TUFT1: variants seen among roughly 807,000 people sequenced by gnomAD.
The protein encoded by TUFT1 is tuftelin.
A neutral mutation model predicts 57.8 loss-of-function variants in TUFT1; 43 were observed. That is an observed-to-expected ratio of 0.74 (90% CI 0.58 to 0.96). The LOEUF is 0.96. Among genes scored for constraint, TUFT1 ranks in the 40% least tolerant of loss-of-function variants. TUFT1 has a pLI of 0.00. For missense variants in TUFT1, 459 were observed against 489.0 expected, an observed-to-expected ratio of 0.94 and a Z score of 0.58; for synonymous variants, 166 against 176.7, an observed-to-expected ratio of 0.94 and a Z score of 0.48.
chr1:151,578,532 A>G (rs1340621311), intron 9 of TUFT1, among the ~76,000 whole-genome samples, 189 bp from the exon 10 acceptor site: 5 of 151,318 alleles, frequency 3.3e-5, no homozygotes, highest in Non-Finnish European at 7.4e-5. Context: ...CTGGTCTTGA[A>G]CTCCTGACCT....
At chr1:151,560,680 C>T (rs1029366940) in intron 1 of TUFT1, among the ~76,000 whole-genome samples, 4 of 152,192 alleles carry the variant, frequency 2.6e-5, no homozygotes, top group African/African-American at 9.7e-5. Context: ...TATTTCTCTT[C>T]ATTGTCTGGG....
At chr1:151,541,210 G>T (rs1665154408) in intron 1 of TUFT1, among the ~76,000 whole-genome samples, 1 of 152,156 alleles carries the variant, frequency 6.6e-6, no homozygotes, top group Admixed American at 6.5e-5. Flanking sequence ...AGAAGGGGAG[G>T]GAAGTGACCC....
At chr1:151,567,576 C>T (rs12035531) in intron 6 of TUFT1, among the ~76,000 whole-genome samples, 18,689 of 152,016 alleles carry the variant, frequency 0.12, 1,688 homozygotes, top group East Asian at 0.49. Flanking sequence ...GATGGAGTCT[C>T]GCTCTGTCAC....
chr1:151,575,062 C>G (rs1666418423), intron 9 of TUFT1, 57 bp downstream of exon 9: 8 of 1,456,604 alleles, frequency 5.5e-6, no homozygotes, highest in Middle Eastern at 3.8e-4. Context: ...GGAGGGCAGG[C>G]CATACAGCCT....
chr1:151,557,407 G>A, intron 1 of TUFT1: 4 of 885,664 alleles, frequency 4.5e-6, no homozygotes, highest in Non-Finnish European at 5.4e-6. Flanking sequence ...ACCTAAGAGG[G>A]GCTTTCCAGC....
chr1:151,580,657 A>T (rs1666618463), intron 11 of TUFT1, among the ~76,000 whole-genome samples: 1 of 109,104 alleles, frequency 9.2e-6, no homozygotes, highest in Non-Finnish European at 2.0e-5. Flanking sequence ...GTGAGACCCT[A>T]TCTCAAAAAA....
At chr1:151,579,881 G>C in intron 11 of TUFT1, 149 bp downstream of exon 11, 1 of 744,956 alleles carries the variant, frequency 1.3e-6, no homozygotes, top group Non-Finnish European at 2.2e-6. Flanking sequence ...TTTCAGTTCA[G>C]CTGAATAAAC....
chr1:151,548,045 G>A (rs1665393855), intron 1 of TUFT1, among the ~76,000 whole-genome samples: 1 of 152,208 alleles, frequency 6.6e-6, no homozygotes, highest in Admixed American at 6.5e-5. Context: ...GAGGAAGAAA[G>A]GGAGTGATTC....
intron 1 of TUFT1, among the ~76,000 whole-genome samples, chr1:151,561,188 C>T (rs113438778): frequency 0.019 from 2,946 of 151,966 alleles, 85 homozygotes; most frequent in African/African-American, 0.067. Flanking sequence ...TTAGTAGAGA[C>T]GGGGTTTCAC....
At chr1:151,557,613 C>CG (rs1665748269) in intron 1 of TUFT1, 1 of 1,074,594 alleles carries the variant, frequency 9.3e-7, no homozygotes, top group South Asian at 1.2e-5. Flanking sequence ...CCCGAGGCTA[C>CG]GTGAAGGAAC....
At chr1:151,575,997 G>A (rs561033459) in intron 9 of TUFT1, among the ~76,000 whole-genome samples, 6 of 152,192 alleles carry the variant, frequency 3.9e-5, no homozygotes, top group South Asian at 2.1e-4. Flanking sequence ...GGGTAGGTGC[G>A]CATGGGCAGA....
rs138038149 is a variant in TUFT1 at position 151,546,533 on chromosome 1, A to G, written c.60+6107A>G. On this transcript the variant is annotated intron_variant, in intron 1 of 12. Transcript: ENST00000368849. ...TAGCAGTCACTCCCCATTTCCCCCC[A>G]ATCTCTCTCAGCCCTAGGCAGCCAC... Among the ~76,000 whole-genome samples the G allele has an allele frequency of 6.1e-4, 93 of 152,144 alleles. 1 individual carries two copies. Among genetic ancestry groups the G allele is most frequent in the African/African-American group, 2.1e-3 (86 of 41,520 alleles).
chr1:151,553,945 TG>T (rs1665591085), intron 1 of TUFT1, among the ~76,000 whole-genome samples: 1 of 152,244 alleles, frequency 6.6e-6, no homozygotes, highest in African/African-American at 2.4e-5. Context: ...GTTTAATGAC[TG>T]TTTGGGTATC....
chr1:151,544,909 T>C (rs781445290), intron 1 of TUFT1, among the ~76,000 whole-genome samples: 1 of 152,200 alleles, frequency 6.6e-6, no homozygotes, highest in Non-Finnish European at 1.5e-5. Context: ...TATAGGAAAA[T>C]CTATACTCCC....
At chr1:151,560,320 G>A (rs994666079) in intron 1 of TUFT1, among the ~76,000 whole-genome samples, 6 of 151,952 alleles carry the variant, frequency 3.9e-5, no homozygotes, top group African/African-American at 1.2e-4. Flanking sequence ...GGAGGCTGAG[G>A]CAGGAGAATT....
Position 151,574,822 on chromosome 1 carries a change from G to A in TUFT1, c.724-89G>A, listed in dbSNP as rs567629570. On this transcript the variant is annotated intron_variant, in intron 8 of 12. Transcript: ENST00000368849. Reference sequence around the variant, plus strand: ...TGGCAGCTGTCCAGGCCCAGTAGGGGCTGAGTCCCAGCCTGGCGCCCATCT... The same window carrying A: ...TGGCAGCTGTCCAGGCCCAGTAGGGACTGAGTCCCAGCCTGGCGCCCATCT... The A allele has an allele frequency of 1.2e-3, 1,418 of 1,149,416 alleles. 14 individuals are homozygous for A. The highest frequency in any genetic ancestry group is 0.01 in the South Asian group (758 of 73,162). 71.2% of individuals were successfully genotyped at this position (1,149,416 alleles called of 1,614,324 possible).
intron 1 of TUFT1, among the ~76,000 whole-genome samples, chr1:151,550,790 CG>C (rs1665483814): frequency 6.6e-6 from 1 of 152,156 alleles, no homozygotes; most frequent in Non-Finnish European, 1.5e-5. Context: ...TAGCCAGGCA[CG>C]GTGGTGCACG....
intron 1 of TUFT1, among the ~76,000 whole-genome samples, chr1:151,555,149 G>A (rs1404228302): frequency 2.0e-5 from 3 of 150,686 alleles, no homozygotes; most frequent in Non-Finnish European, 4.4e-5. Flanking sequence ...GCAACATGGC[G>A]AAACCATGTC....
intron 1 of TUFT1, among the ~76,000 whole-genome samples, chr1:151,556,109 A>G (rs1665689907): frequency 6.6e-6 from 1 of 152,182 alleles, no homozygotes; most frequent in Non-Finnish European, 1.5e-5. Context: ...AGAGCATGTA[A>G]ACTTTTGTGA....
Sources: gnomAD v4.1 joint callset for allele counts (sites outside exome capture counted in the v4.1 genomes callset) on GRCh38, gnomAD v4.1.1 for gene constraint, MANE v1.5 for transcripts, NCBI Gene and HGNC (gene_info 2026-07-23, HGNC 2026-07-21) for gene names.